CNTN5: variants seen among roughly 807,000 people sequenced by gnomAD.
CNTN5 encodes the protein contactin-5.
In CNTN5, 77 loss-of-function variants were observed where a neutral mutation model predicts 129.1. That is an observed-to-expected ratio of 0.60 (90% CI 0.50 to 0.72). The LOEUF (loss-of-function observed/expected upper bound fraction) is 0.72, where lower values mean the gene tolerates loss of function less well. Among genes scored for constraint, CNTN5 ranks in the 30% least tolerant of loss-of-function variants. The pLI is 0.00. For missense variants in CNTN5, 1,478 were observed against 1,328.8 expected, an observed-to-expected ratio of 1.11 and a Z score of -1.75; for synonymous variants, 509 against 465.6, an observed-to-expected ratio of 1.09 and a Z score of -1.20.
intron 13 of CNTN5, among the ~76,000 whole-genome samples, chr11:100,111,828 A>C (rs746741333): frequency 6.6e-6 from 1 of 152,174 alleles, no homozygotes; most frequent in Non-Finnish European, 1.5e-5. Flanking sequence ...GCATCATTCC[A>C]GTCTTTGATT....
intron 15 of CNTN5, among the ~76,000 whole-genome samples, chr11:100,212,300 T>A (rs1243752771): frequency 3.3e-5 from 5 of 152,142 alleles, no homozygotes; most frequent in African/African-American, 1.2e-4. Context: ...TACTTCAATG[T>A]ATTTAGCCAT....
intron 21 of CNTN5, among the ~76,000 whole-genome samples, chr11:100,330,277 C>G (rs911288247): frequency 6.6e-6 from 1 of 152,098 alleles, no homozygotes; most frequent in Admixed American, 6.5e-5. Flanking sequence ...CCATCAAAGA[C>G]AAACAGAAAG....
chr11:99,083,970 A>G (rs1380979831), intron 1 of CNTN5, among the ~76,000 whole-genome samples: 1 of 152,146 alleles, frequency 6.6e-6, no homozygotes, highest in Non-Finnish European at 1.5e-5. Flanking sequence ...ACATTACTTA[A>G]CTGACATTAT....
chr11:99,182,769 T>A (rs1858142057), intron 1 of CNTN5, among the ~76,000 whole-genome samples: 1 of 152,208 alleles, frequency 6.6e-6, no homozygotes. Flanking sequence ...TGTAACAGTT[T>A]GCTTCAGTAA....
intron 9 of CNTN5, among the ~76,000 whole-genome samples, chr11:100,052,308 A>G (rs906827122): frequency 1.2e-4 from 18 of 151,764 alleles, no homozygotes; most frequent in African/African-American, 3.9e-4. Flanking sequence ...CTTTCCTTTT[A>G]TCACCACCTC....
intron 2 of CNTN5, among the ~76,000 whole-genome samples, chr11:99,425,238 A>G (rs1312014632): frequency 6.6e-6 from 1 of 152,202 alleles, no homozygotes; most frequent in East Asian, 1.9e-4. Context: ...CCAAACAGTC[A>G]TCAATGAAGT....
chr11:99,279,991 G>A (rs568876376), intron 1 of CNTN5, among the ~76,000 whole-genome samples: 5 of 150,908 alleles, frequency 3.3e-5, no homozygotes, highest in African/African-American at 9.7e-5. Flanking sequence ...CTTTACAATC[G>A]ACTCAGAAAA....
chr11:99,270,458 C>A (rs1863121065), intron 1 of CNTN5, among the ~76,000 whole-genome samples: 1 of 151,794 alleles, frequency 6.6e-6, no homozygotes, highest in Non-Finnish European at 1.5e-5. Context: ...ACCCCAAAAC[C>A]TTCGGGAACA....
intron 1 of CNTN5, among the ~76,000 whole-genome samples, chr11:99,196,952 A>G (rs1413568791): frequency 6.6e-6 from 1 of 151,934 alleles, no homozygotes; most frequent in African/African-American, 2.4e-5. Flanking sequence ...GAAAAGTCAC[A>G]GAACACAGTA....
intron 1 of CNTN5, among the ~76,000 whole-genome samples, chr11:99,059,982 A>G (rs1405920082): frequency 1.3e-5 from 2 of 152,096 alleles, no homozygotes; most frequent in Non-Finnish European, 2.9e-5. Flanking sequence ...GCAATTTCAT[A>G]GTAAGATACA....
intron 4 of CNTN5, among the ~76,000 whole-genome samples, chr11:99,835,918 A>T (rs2135640753): frequency 6.6e-6 from 1 of 152,280 alleles, no homozygotes; most frequent in South Asian, 2.1e-4. Flanking sequence ...AGAGGTCCGG[A>T]TACAGACCCC....
At chr11:99,926,397 C>G (rs1950063977) in intron 7 of CNTN5, among the ~76,000 whole-genome samples, 1 of 152,112 alleles carries the variant, frequency 6.6e-6, no homozygotes, top group Non-Finnish European at 1.5e-5. Context: ...CAGGAGACCT[C>G]TTTATCCTAA....
At chr11:99,843,043 C>T (rs966051082) in intron 4 of CNTN5, among the ~76,000 whole-genome samples, 1 of 152,000 alleles carries the variant, frequency 6.6e-6, no homozygotes, top group Non-Finnish European at 1.5e-5. Context: ...CCAGCCTGGC[C>T]AACATGGCAA....
intron 1 of CNTN5, among the ~76,000 whole-genome samples, chr11:99,278,210 A>G (rs1377788310): frequency 1.3e-5 from 2 of 151,288 alleles, no homozygotes; most frequent in Non-Finnish European, 3.0e-5. Context: ...GTACTTGAAT[A>G]TAATATTTAT....
At chr11:99,093,094 G>C (rs1866320594) in intron 1 of CNTN5, among the ~76,000 whole-genome samples, 1 of 151,970 alleles carries the variant, frequency 6.6e-6, no homozygotes, top group Non-Finnish European at 1.5e-5. Context: ...TTGAATGAGA[G>C]AGCACATATA....
chr11:99,918,877 A>G (rs1010023344), intron 7 of CNTN5, among the ~76,000 whole-genome samples: 1 of 152,100 alleles, frequency 6.6e-6, no homozygotes, highest in African/African-American at 2.4e-5. Flanking sequence ...CACATTTGCT[A>G]CCCACTCTGT....
At chr11:99,093,095 A>G (rs1481871302) in intron 1 of CNTN5, among the ~76,000 whole-genome samples, 2 of 152,020 alleles carry the variant, frequency 1.3e-5, no homozygotes, top group East Asian at 3.9e-4. Context: ...TGAATGAGAG[A>G]GCACATATAG....
chr11:99,786,876 C>T (rs765963057), intron 3 of CNTN5, among the ~76,000 whole-genome samples: 26 of 151,976 alleles, frequency 1.7e-4, no homozygotes, highest in Admixed American at 1.4e-3. Flanking sequence ...GAGATTTAAA[C>T]GTAAGAACTT....
At chr11:99,750,398 T>G (rs1387430759) in intron 3 of CNTN5, among the ~76,000 whole-genome samples, 1 of 152,212 alleles carries the variant, frequency 6.6e-6, no homozygotes, top group African/African-American at 2.4e-5. Context: ...AGCACCAAAC[T>G]ATAAGCATCC....
Sources: allele counts gnomAD v4.1 joint callset (sites outside exome capture counted in the v4.1 genomes callset), GRCh38; gene constraint gnomAD v4.1.1; transcripts MANE v1.5; gene names NCBI Gene and HGNC (gene_info 2026-07-23, HGNC 2026-07-21).